The following BTBD7 variants were observed in gnomAD, a reference collection of about 807,000 sequenced individuals.
BTBD7 encodes the protein BTB/POZ domain-containing protein 7.
BTBD7 carries 38 observed loss-of-function variants against 99.9 expected under a neutral mutation model. The ratio of observed to expected loss-of-function variants is 0.38; its 90% CI spans 0.29 to 0.50. The LOEUF (loss-of-function observed/expected upper bound fraction) is 0.50. Among genes scored for constraint, BTBD7 ranks in the 20% least tolerant of loss-of-function variants. The probability of loss-of-function intolerance (pLI) is 0.93; values close to 1 mark genes in which losing one functional copy is unlikely to be tolerated. For synonymous variants in BTBD7, 520 were observed against 511.4 expected, an observed-to-expected ratio of 1.02 and a Z score of -0.23; for missense variants, 1,170 against 1,394.6, an observed-to-expected ratio of 0.84 and a Z score of 2.57.
At chr14:93,288,643 T>C (rs760471555) in intron 3 of BTBD7, 3 of 1,291,634 alleles carry the variant, frequency 2.3e-6, no homozygotes, top group South Asian at 1.2e-5. Flanking sequence ...ATATTTAAGA[T>C]TGAGGCAGTA....
At chr14:93,278,491 G>A (rs990665080) in intron 3 of BTBD7, among the ~76,000 whole-genome samples, 1 of 152,096 alleles carries the variant, frequency 6.6e-6, no homozygotes, top group Non-Finnish European at 1.5e-5. Context: ...CTTCAAAACA[G>A]TGCACCTCAC....
intron 1 of BTBD7, among the ~76,000 whole-genome samples, chr14:93,319,389 T>C (rs1378596757): frequency 6.6e-6 from 1 of 152,122 alleles, no homozygotes; most frequent in African/African-American, 2.4e-5. Context: ...CATTGACAGA[T>C]GAATGAATAA....
intron 3 of BTBD7, chr14:93,287,899 A>T (rs923761420): frequency 5.3e-5 from 8 of 152,266 alleles, no homozygotes; most frequent in African/African-American, 1.9e-4. Flanking sequence ...CAGGGGAAAT[A>T]TCCCTACACA....
At chr14:93,302,243 G>A (rs60129187) in intron 1 of BTBD7, among the ~76,000 whole-genome samples, 1 of 152,202 alleles carries the variant, frequency 6.6e-6, no homozygotes, top group East Asian at 1.9e-4. Context: ...GAGCACAGAA[G>A]AATGGCTATT....
intron 1 of BTBD7, among the ~76,000 whole-genome samples, chr14:93,332,139 A>T (rs1190521628): frequency 1.3e-5 from 2 of 152,204 alleles, no homozygotes; most frequent in African/African-American, 4.8e-5. Context: ...CCCTCGGGGT[A>T]AAGCTAGCAA....
Position 93,248,632 on chromosome 14 carries a change from T to C in BTBD7, c.1965A>G (p.Lys655=), listed in dbSNP as rs199780000. 26 of 1,611,394 alleles carry C rather than the reference T, an allele frequency of 1.6e-5. No homozygotes were observed. The Admixed American group carries it at 2.8e-4, about 18-fold the overall frequency. ...GTTCCTGCAGTCGTCTGACCATGTCTTTCATAATGAGGAGACGAGGAACTG... is the reference window on the plus strand; with the variant it reads ...GTTCCTGCAGTCGTCTGACCATGTCCTTCATAATGAGGAGACGAGGAACTG... ...EIPVPRLLIM[K]DMVRRLQELR... is the part of the protein sequence containing the mutation. Residue 655 remains lysine (K), a synonymous_variant, in exon 9 of 11, where the codon AAA becomes AAG. Transcript: ENST00000334746.
chr14:93,243,009 A>T lies in BTBD7; in HGVS notation c.2663T>A (p.Leu888His), dbSNP rs759597807. ...VSTLSLKDRR[L>H]PELAVDTELS... ...TTCTGTGTCTACAGCAAGCTCTGGA[A>T]GCCTCCTGTCCTTGAGTGACAGTGT... Residue 888 changes from leucine (L) to histidine (H), a missense_variant, in exon 11 of 11, where the codon CTT becomes CAT. Leu to His is a moderately conservative substitution (Grantham distance 99). Coordinates refer to ENST00000334746, the MANE Select transcript of BTBD7 (RefSeq NM_001002860.4). 1.5e-5 allele frequency: 24 copies of T among 1,613,962 alleles called. No homozygotes were observed. Among genetic ancestry groups the T allele is most frequent in the Non-Finnish European group, 1.9e-5 (23 of 1,180,028 alleles).
intron 4 of BTBD7, among the ~76,000 whole-genome samples, chr14:93,262,477 C>T (rs2052500085): frequency 1.3e-5 from 2 of 152,138 alleles, no homozygotes; most frequent in Non-Finnish European, 1.5e-5. Flanking sequence ...CGGGCTCAAG[C>T]AACCCACTTC....
chr14:93,248,706 C>G (rs45461596), intron 8 of BTBD7, 52 bp from the exon 9 acceptor site: 2 of 1,478,792 alleles, frequency 1.4e-6, no homozygotes, highest in South Asian at 2.6e-5. Flanking sequence ...ACACAAAAGA[C>G]GACCCCGTGA....
chr14:93,251,376 G>T, intron 8 of BTBD7, 87 bp downstream of exon 8: 1 of 1,340,668 alleles, frequency 7.5e-7, no homozygotes, highest in Non-Finnish European at 1.0e-6. Flanking sequence ...GAGAGAATTA[G>T]CATATACAGA....
chr14:93,248,426 G>T, intron 9 of BTBD7, 50 bp downstream of exon 9: 1 of 1,582,346 alleles, frequency 6.3e-7, no homozygotes, highest in Non-Finnish European at 8.6e-7. Context: ...AATACTGCCT[G>T]TCTGGTGACT....
At chr14:93,273,048 T>C (rs1235118100) in intron 3 of BTBD7, among the ~76,000 whole-genome samples, 1 of 152,140 alleles carries the variant, frequency 6.6e-6, no homozygotes, top group Non-Finnish European at 1.5e-5. Context: ...ATAACAGAAA[T>C]GGCCCTAGAA....
At chr14:93,291,662 C>CA (rs1419993201) in intron 3 of BTBD7, among the ~76,000 whole-genome samples, 4 of 151,954 alleles carry the variant, frequency 2.6e-5, no homozygotes, top group African/African-American at 9.7e-5. Flanking sequence ...TATATATCCA[C>CA]ATTTAAGGGA....
intron 5 of BTBD7, among the ~76,000 whole-genome samples, chr14:93,260,171 A>G (rs2052472227): frequency 6.6e-6 from 1 of 152,214 alleles, no homozygotes; most frequent in South Asian, 2.1e-4. Flanking sequence ...AACATTTTTT[A>G]TATTTAAAAA....
chr14:93,280,848 C>A (rs1327201307), intron 3 of BTBD7, among the ~76,000 whole-genome samples: 1 of 144,654 alleles, frequency 6.9e-6, no homozygotes, highest in Non-Finnish European at 1.5e-5. Flanking sequence ...TAAAAAGGCA[C>A]CTTTTTTTTT....
At chr14:93,263,543 T>C (rs957170826) in intron 4 of BTBD7, among the ~76,000 whole-genome samples, 1 of 152,166 alleles carries the variant, frequency 6.6e-6, no homozygotes, top group Admixed American at 6.5e-5. Flanking sequence ...CCCAATCTCT[T>C]TTTGGTGCAT....
chr14:93,282,167 ATCT>A (rs2139742374), intron 3 of BTBD7, among the ~76,000 whole-genome samples: 1 of 152,324 alleles, frequency 6.6e-6, no homozygotes, highest in South Asian at 2.1e-4. Flanking sequence ...CCATAAAAAG[ATCT>A]TAGTGCAGTG....
intron 1 of BTBD7, among the ~76,000 whole-genome samples, chr14:93,321,592 CAA>C: frequency 6.6e-6 from 1 of 152,134 alleles, no homozygotes; most frequent in Non-Finnish European, 1.5e-5. Context: ...GACTCCGTCA[CAA>C]ACAAACAAGC....
At chr14:93,300,107 T>TATGTA (rs2052976054) in intron 1 of BTBD7, among the ~76,000 whole-genome samples, 1 of 152,184 alleles carries the variant, frequency 6.6e-6, no homozygotes, top group South Asian at 2.1e-4. Flanking sequence ...ATTTACTATG[T>TATGTA]ATGTAGGACA....
Sources: allele counts gnomAD v4.1 joint callset (sites outside exome capture counted in the v4.1 genomes callset), GRCh38; gene constraint gnomAD v4.1.1; transcripts MANE v1.5; gene names NCBI Gene and HGNC (gene_info 2026-07-23, HGNC 2026-07-21).